TRAK1: variants seen among roughly 807,000 people sequenced by gnomAD.
The protein encoded by TRAK1 is trafficking kinesin-binding protein 1.
Under a neutral mutation model 92.1 loss-of-function variants are expected in TRAK1, and 33 were observed. That is an observed-to-expected ratio of 0.36 (90% CI 0.27 to 0.48). The LOEUF (loss-of-function observed/expected upper bound fraction) is 0.48. TRAK1 is among the 20% of genes least tolerant of loss of function. The probability of loss-of-function intolerance (pLI) is 0.99; values close to 1 mark genes in which losing one functional copy is unlikely to be tolerated. For missense variants in TRAK1, 1,123 were observed against 1,257.9 expected (o/e 0.89, Z 1.62); for synonymous variants, 521 against 517.3 (o/e 1.01, Z -0.10).
intron 1 of TRAK1, among the ~76,000 whole-genome samples, chr3:42,070,829 T>A (rs1703901743): frequency 6.6e-6 from 1 of 152,254 alleles, no homozygotes; most frequent in South Asian, 2.1e-4. Flanking sequence ...ATTTTAAATC[T>A]GTAAGTGGTG....
intron 1 of TRAK1, among the ~76,000 whole-genome samples, chr3:42,057,498 G>A (rs1045723192): frequency 6.6e-6 from 1 of 152,098 alleles, no homozygotes; most frequent in Non-Finnish European, 1.5e-5. Context: ...TTGAGGAGGC[G>A]TCCAGTGGGT....
At position 42,217,365 on chromosome 3, in the gene TRAK1, G is replaced by C. The variant is rs372278556; in HGVS notation, c.1964-2129G>C. 7.1e-4 allele frequency: 704 copies of C among 985,382 alleles called. 13 individuals are homozygous for C. In the South Asian group the frequency reaches 0.029, roughly 40 times the overall value. 61.0% of individuals were successfully genotyped at this position (985,382 alleles called of 1,614,324 possible). A position where few individuals can be genotyped will look rare whatever the true frequency, so the allele number is the denominator to read the frequency against. The stretch of plus-strand genomic sequence containing the variant: ...GGCTTTAGCACTTTGGAAACTTGTT[G>C]ATCTTCCTTGGTCTTCTACGGCTAT... On this transcript the variant is annotated intron_variant, in intron 14 of 15. Transcript: ENST00000327628.
intron 1 of TRAK1, among the ~76,000 whole-genome samples, chr3:42,050,465 C>T (rs888227990): frequency 4.6e-5 from 7 of 152,120 alleles, no homozygotes; most frequent in African/African-American, 1.7e-4. Context: ...CCCTCCAAAG[C>T]CCAGTTCCTA....
chr3:42,200,892 C>T lies in TRAK1; in HGVS notation c.1265C>T (p.Pro422Leu). 1.2e-6 allele frequency: 2 copies of T among 1,614,196 alleles called. No individual in the cohort carries two copies. The highest frequency in any genetic ancestry group is 1.3e-5 in the African/African-American group (1 of 75,036). Residue 422 changes from proline (P) to leucine (L), a missense_variant, in exon 12 of 16, where the codon CCC (proline) becomes CTC (leucine). This residue lies in a region of TRAK1 where 686 missense variants were observed against 747.6 expected (regional missense o/e 0.92). Transcript: ENST00000327628. ...AAGCAGAGATCTCTGACCCCTTCTC[C>T]CATGAACATCCCCGGCTCCAACCAG... ...VVKQRSLTPS[P>L]MNIPGSNQSS...
At chr3:42,085,583 A>C (rs1283201731), upstream of TRAK1, among the ~76,000 whole-genome samples, 3 of 152,240 alleles carry the variant, frequency 2.0e-5, no homozygotes, top group African/African-American at 7.2e-5. Context: ...GAAAAAGGTC[A>C]CAGATTCAGG....
chr3:42,057,212 A>G (rs1158641695), intron 1 of TRAK1, among the ~76,000 whole-genome samples: 1 of 152,206 alleles, frequency 6.6e-6, no homozygotes, highest in Non-Finnish European at 1.5e-5. Context: ...GATACCAAGG[A>G]AAATGGAATA....
intron 1 of TRAK1, among the ~76,000 whole-genome samples, chr3:42,118,186 C>T (rs904017963): frequency 1.3e-5 from 2 of 151,896 alleles, no homozygotes; most frequent in Non-Finnish European, 2.9e-5. Flanking sequence ...CGGGTTCAAG[C>T]AGTTCTTCCT....
At chr3:42,089,680 C>T (rs1301042678), upstream of TRAK1, among the ~76,000 whole-genome samples, 1 of 150,140 alleles carries the variant, frequency 6.7e-6, no homozygotes, top group Non-Finnish European at 1.5e-5. Flanking sequence ...TTGTGACCCC[C>T]CCCCAATACA....
At chr3:42,189,629 C>G (rs1705388777) in intron 6 of TRAK1, among the ~76,000 whole-genome samples, 2 of 152,128 alleles carry the variant, frequency 1.3e-5, no homozygotes, top group Middle Eastern at 3.2e-3. Flanking sequence ...CTCCCAGGTT[C>G]AAGCTATTCT....
At chr3:42,034,995 T>C (rs1702274538) in intron 1 of TRAK1, among the ~76,000 whole-genome samples, 1 of 152,220 alleles carries the variant, frequency 6.6e-6, no homozygotes, top group Non-Finnish European at 1.5e-5. Flanking sequence ...CCTGCAGCCA[T>C]TGCTCTTCTC....
intron 14 of TRAK1, among the ~76,000 whole-genome samples, chr3:42,214,244 A>G (rs1166166551): frequency 6.6e-6 from 1 of 152,066 alleles, no homozygotes; most frequent in Admixed American, 6.5e-5. Flanking sequence ...TTGAGGGAGC[A>G]CCCTGTGTTG....
At chr3:42,167,175 A>G (rs1406560941) in intron 2 of TRAK1, among the ~76,000 whole-genome samples, 3 of 152,202 alleles carry the variant, frequency 2.0e-5, no homozygotes, top group Admixed American at 1.3e-4. Flanking sequence ...ACCAGGACTC[A>G]TGCTCATCTT....
chr3:42,188,926 C>T (rs1705277309), intron 5 of TRAK1, 90 bp from the exon 6 acceptor site: 4 of 920,430 alleles, frequency 4.3e-6, no homozygotes, highest in Non-Finnish European at 5.2e-6. Flanking sequence ...ATTGTCCTTC[C>T]TGCAAGCCCT....
intron 2 of TRAK1, among the ~76,000 whole-genome samples, chr3:42,144,346 G>A (rs1435364165): frequency 3.3e-5 from 5 of 151,852 alleles, no homozygotes; most frequent in African/African-American, 1.2e-4. Context: ...CCCAGGCACT[G>A]TGCTAAGTGC....
intron 10 of TRAK1, among the ~76,000 whole-genome samples, chr3:42,196,014 C>G (rs1160804780): frequency 6.6e-6 from 1 of 152,180 alleles, no homozygotes; most frequent in African/African-American, 2.4e-5. Context: ...ACTGCCTTCC[C>G]CACTCTCAAG....
At chr3:42,016,696 CCATATAGCT>C (rs1028486774) in intron 1 of TRAK1, among the ~76,000 whole-genome samples, 1 of 152,172 alleles carries the variant, frequency 6.6e-6, no homozygotes, top group African/African-American at 2.4e-5. Flanking sequence ...TTCTGTAGCA[CCATATAGCT>C]CATAAGAGAG....
intron 1 of TRAK1, among the ~76,000 whole-genome samples, chr3:42,026,260 A>G (rs1701911038): frequency 6.6e-6 from 1 of 152,184 alleles, no homozygotes; most frequent in Non-Finnish European, 1.5e-5. Flanking sequence ...AAGTATAAGA[A>G]ATGTGGGTAA....
In TRAK1 at chr3:42,197,000, T is replaced by TCACACA. The variant is rs60649090; in HGVS notation, c.1113+2060_1113+2061insACACAC. On this transcript the variant is annotated intron_variant, in intron 10 of 15. Coordinates refer to ENST00000327628, the MANE Select transcript of TRAK1 (RefSeq NM_001042646.3). ...CTTTCTCTTTCTCTCTCTCTCTCTC[T>TCACACA]CTCACACACACACACACACACACAC... 9.8e-3 allele frequency among the ~76,000 whole-genome samples: 1,282 copies of TCACACA among 131,116 alleles called. 4 individuals carry two copies. Among genetic ancestry groups the TCACACA allele is most frequent in the East Asian group, 0.019 (85 of 4,384 alleles). 86.0% of individuals were successfully genotyped at this position (131,116 alleles called of 152,430 possible). A position where few individuals can be genotyped will look rare whatever the true frequency, so the allele number is the denominator to read the frequency against.
chr3:42,090,794 C>T (rs1704983715), upstream of TRAK1, among the ~76,000 whole-genome samples: 1 of 152,148 alleles, frequency 6.6e-6, no homozygotes, highest in Non-Finnish European at 1.5e-5. Flanking sequence ...TTTGTTGGGA[C>T]CAGAGGAAAG....
Sources: gnomAD v4.1 joint callset for allele counts (sites outside exome capture counted in the v4.1 genomes callset) on GRCh38, gnomAD v4.1.1 for gene constraint, gnomAD v4.1.1 regional missense constraint, MANE v1.5 for transcripts, NCBI Gene and HGNC (gene_info 2026-07-23, HGNC 2026-07-21) for gene names.